The following TMEM184B variants were observed in gnomAD, a reference collection of about 807,000 sequenced individuals.
TMEM184B encodes the protein transmembrane protein 184B.
TMEM184B carries 17 observed loss-of-function variants against 41.8 expected under a neutral mutation model. That is an observed-to-expected ratio of 0.41 (90% CI 0.28 to 0.61). TMEM184B has a LOEUF of 0.61. TMEM184B is among the 20% of genes least tolerant of loss of function. The pLI, the probability that TMEM184B is intolerant of heterozygous loss-of-function variation, is 0.34. For missense variants in TMEM184B, 393 were observed against 557.8 expected (o/e 0.70, Z 2.98); for synonymous variants, 240 against 229.5 (o/e 1.05, Z -0.41).
intron 5 of TMEM184B, among the ~76,000 whole-genome samples, 167 bp from the exon 6 acceptor site, chr22:38,227,037 G>A (rs1293433769): frequency 2.0e-5 from 3 of 151,936 alleles, no homozygotes; most frequent in Non-Finnish European, 2.9e-5. Context: ...ACGAAGGGAT[G>A]GAGGGGATGG....
chr22:38,265,381 G>A (rs756807210), intron 1 of TMEM184B, among the ~76,000 whole-genome samples: 1 of 152,100 alleles, frequency 6.6e-6, no homozygotes, highest in African/African-American at 2.4e-5. Context: ...TGCTTTCCAG[G>A]TCTAAGCAGC....
At position 38,221,703 on chromosome 22, in the gene TMEM184B, A is replaced by C; in HGVS notation, c.990T>G (p.Cys330Trp). 1 of 1,613,702 alleles carries C rather than the reference A, an allele frequency of 6.2e-7. No homozygotes were observed. Among genetic ancestry groups the C allele is most frequent in the Non-Finnish European group, 8.5e-7 (1 of 1,179,878 alleles). ...ADKRLDAQGR[C>W]APMKSISSSL... ...TGCTGGAGATGCTCTTCATGGGGGC[A>C]CAGCGGCCTGCCGGGCAGGGAGCGG... The change falls in exon 9 of 9, where the codon TGT becomes TGG. Residue 330 changes from cysteine (C) to tryptophan (W), a missense_variant. Coordinates refer to ENST00000361906, the MANE Select transcript of TMEM184B (RefSeq NM_012264.5).
chr22:38,260,582 A>G (rs1292411004), intron 1 of TMEM184B, among the ~76,000 whole-genome samples: 1 of 152,066 alleles, frequency 6.6e-6, no homozygotes, highest in African/African-American at 2.4e-5. Context: ...TCTGTGAGCA[A>G]GTTACACAAC....
intron 3 of TMEM184B, among the ~76,000 whole-genome samples, chr22:38,233,675 C>A (rs1399340303): frequency 1.3e-5 from 2 of 152,222 alleles, no homozygotes; most frequent in Non-Finnish European, 2.9e-5. Flanking sequence ...AACCTCTGTT[C>A]AAAACCTCAC....
At position 38,219,468 on chromosome 22, in the gene TMEM184B, T is replaced by C; in HGVS notation, c.*2001A>G. On this transcript the variant is annotated 3_prime_UTR_variant, in exon 9 of 9. Coordinates refer to ENST00000361906, the MANE Select transcript of TMEM184B (RefSeq NM_012264.5). ...GGAGACTCTGTCTTCTCATACATCA[T>C]ACAATTAATTTTTCAAGTATTCTTT... 1.0e-6 allele frequency: 1 copy of C among 985,364 alleles called. No homozygotes were observed. Among genetic ancestry groups the C allele is most frequent in the Non-Finnish European group, 1.2e-6 (1 of 829,840 alleles). The allele number at this position is 985,364 out of a possible 1,614,324, so 61.0% of individuals were successfully genotyped here. A position where few individuals can be genotyped will look rare whatever the true frequency, so the allele number is the denominator to read the frequency against.
Position 38,219,741 on chromosome 22 carries a change from C to A in TMEM184B, c.*1728G>T, listed in dbSNP as rs537600003. On this transcript the variant is annotated 3_prime_UTR_variant, in exon 9 of 9. Coordinates refer to ENST00000361906, the MANE Select transcript of TMEM184B (RefSeq NM_012264.5). Reference sequence around the variant, plus strand: ...TGGCCTGGAGGGAGAAGGGAAGCCACGGTGGAGAGACAGCTTGGTGAAAGC... The same window carrying A: ...TGGCCTGGAGGGAGAAGGGAAGCCAAGGTGGAGAGACAGCTTGGTGAAAGC... 4.8e-5 allele frequency: 47 copies of A among 985,712 alleles called. 1 individual carries two copies. In the South Asian group the frequency reaches 1.6e-3, roughly 33 times the overall value. 61.1% of individuals were successfully genotyped at this position (985,712 alleles called of 1,614,324 possible).
chr22:38,266,159 AGGTAAAG>A (rs2092441110), intron 1 of TMEM184B, among the ~76,000 whole-genome samples: 1 of 152,202 alleles, frequency 6.6e-6, no homozygotes, highest in Admixed American at 6.5e-5. Flanking sequence ...CATGACCCGC[AGGTAAAG>A]GGTCTGTGGA....
chr22:38,239,907 C>T lies in TMEM184B; in HGVS notation c.358+6028G>A, dbSNP rs1201565188. ...CTGCATACAAACAGCCAAGGAAACACCCCATGTTCCATCACCCAATCAGGA... is the reference window on the plus strand; with the variant it reads ...CTGCATACAAACAGCCAAGGAAACATCCCATGTTCCATCACCCAATCAGGA... On this transcript the variant is annotated intron_variant, in intron 3 of 8. Transcript: ENST00000361906. The surrounding 1 kb of genome is among the most constrained non-coding windows in gnomAD (Gnocchi z 4.6). Among the ~76,000 whole-genome samples, 2 of 152,024 alleles carry T rather than the reference C, an allele frequency of 1.3e-5. No individual in the cohort carries two copies. Among genetic ancestry groups the T allele is most frequent in the Admixed American group, 6.6e-5 (1 of 15,256 alleles).
Position 38,224,831 on chromosome 22 carries a change from G to A in TMEM184B, c.936C>T (p.His312=), listed in dbSNP as rs779319171. 16 of 1,613,200 alleles carry A rather than the reference G, an allele frequency of 9.9e-6. No homozygotes were observed. Among genetic ancestry groups the A allele is most frequent in the South Asian group, 6.6e-5 (6 of 91,052 alleles). ...CAGCATAGACCTTGTAGGTGAAGGC[G>A]TGCCGCAGGGCCAGGGCTGCAAAGA... ...EMFFAALALR[H]AFTYKVYADK... The change falls in exon 8 of 9, where the codon CAC becomes CAT. Residue 312 remains histidine, a synonymous_variant. Coordinates refer to ENST00000361906, the MANE Select transcript of TMEM184B (RefSeq NM_012264.5).
Position 38,239,058 on chromosome 22 carries a change from T to C in TMEM184B, c.358+6877A>G, listed in dbSNP as rs1035861873. On this transcript the variant is annotated intron_variant, in intron 3 of 8. Transcript: ENST00000361906. This position sits in a 1 kb window ranked among gnomAD's most constrained non-coding sequence, Gnocchi z 4.6. ...CTCCTGCCTCTGAACCCCAAGGCCC[T>C]GTGCCTCTGATCACAGAACTCCCCA... is the stretch of plus-strand genomic sequence containing the variant. 2.9e-4 allele frequency among the ~76,000 whole-genome samples: 44 copies of C among 152,316 alleles called. No individual in the cohort carries two copies. The highest frequency in any genetic ancestry group is 1.7e-3 in the Admixed American group (26 of 15,308).
intron 3 of TMEM184B, among the ~76,000 whole-genome samples, chr22:38,235,054 C>T (rs905901081): frequency 1.3e-5 from 2 of 152,192 alleles, no homozygotes; most frequent in African/African-American, 4.8e-5. Context: ...GCAGTCCTAC[C>T]TCCAATGACT....
chr22:38,260,873 G>A (rs528920090), intron 1 of TMEM184B, among the ~76,000 whole-genome samples: 56 of 152,322 alleles, frequency 3.7e-4, no homozygotes, highest in African/African-American at 1.3e-3. Flanking sequence ...ACCCTTTAGA[G>A]CTGCAGCCAC....
intron 1 of TMEM184B, among the ~76,000 whole-genome samples, chr22:38,266,112 C>A (rs922126315): frequency 6.6e-6 from 1 of 152,180 alleles, no homozygotes; most frequent in Non-Finnish European, 1.5e-5. Flanking sequence ...TCTCACTGCA[C>A]CCCCTCTGTT....
chr22:38,242,989 G>A (rs114671019), intron 3 of TMEM184B, among the ~76,000 whole-genome samples: 2,387 of 150,956 alleles, frequency 0.016, 42 homozygotes, highest in African/African-American at 0.04. Flanking sequence ...TTGAACCTAG[G>A]AGGTGGAGAA....
chr22:38,272,508 C>T, intron 1 of TMEM184B: 3 of 985,582 alleles, frequency 3.0e-6, no homozygotes, highest in Non-Finnish European at 3.6e-6. Flanking sequence ...CTCGGCCGTG[C>T]CAGTCGCCAG....
At chr22:38,264,690 A>C (rs1332726339) in intron 1 of TMEM184B, among the ~76,000 whole-genome samples, 1 of 152,182 alleles carries the variant, frequency 6.6e-6, no homozygotes. Flanking sequence ...ACCGAGTATC[A>C]AGTCAGGACA....
At chr22:38,256,180 G>A (rs567464317) in intron 1 of TMEM184B, among the ~76,000 whole-genome samples, 42 of 151,122 alleles carry the variant, frequency 2.8e-4, no homozygotes, top group Non-Finnish European at 5.2e-4. Context: ...AAGAAACCCC[G>A]TCTCTACTAA....
At position 38,219,374 on chromosome 22, in the gene TMEM184B, TCA is replaced by T. The variant is rs1352727248; in HGVS notation, c.*2093_*2094del. The T allele has an allele frequency of 1.0e-6, 1 of 985,716 alleles. No homozygotes were observed. The highest frequency in any genetic ancestry group is 1.7e-5 in the African/African-American group (1 of 57,210). 61.1% of individuals were successfully genotyped at this position (985,716 alleles called of 1,614,324 possible). On this transcript the variant is annotated 3_prime_UTR_variant, in exon 9 of 9. Transcript: ENST00000361906. ...TCACTTCTGTCACGCATTTAAAATG[TCA>T]CAGAGACCAAAATAGAGTGGCTTTC...
intron 3 of TMEM184B, among the ~76,000 whole-genome samples, chr22:38,237,008 A>G (rs1233706111): frequency 6.6e-6 from 1 of 151,714 alleles, no homozygotes; most frequent in East Asian, 1.9e-4. Context: ...CCTCTCCTCT[A>G]CTGGCTTCTT....
Sources: allele counts gnomAD v4.1 joint callset (sites outside exome capture counted in the v4.1 genomes callset), GRCh38; gene constraint gnomAD v4.1.1; non-coding constraint Gnocchi (gnomAD v3.1); transcripts MANE v1.5; gene names NCBI Gene and HGNC (gene_info 2026-07-23, HGNC 2026-07-21).